CACNB4: variants seen among roughly 807,000 people sequenced by gnomAD.
CACNB4 encodes the protein calcium voltage-gated channel auxiliary subunit beta 4.
CACNB4 carries 32 observed loss-of-function variants against 71.2 expected under a neutral mutation model. The observed-to-expected ratio is 0.45, with a 90% confidence interval of 0.34 to 0.60. CACNB4 has a LOEUF of 0.60. Ranked by LOEUF, CACNB4 falls within the 20% of genes least tolerant of loss-of-function variation. The pLI, the probability that CACNB4 is intolerant of heterozygous loss-of-function variation, is 0.01. For missense variants in CACNB4, 464 were observed against 647.9 expected (o/e 0.72, Z 3.08); for synonymous variants, 231 against 236.9 (o/e 0.97, Z 0.23).
At chr2:151,924,004 A>G (rs1325907186) in intron 2 of CACNB4, among the ~76,000 whole-genome samples, 1 of 150,184 alleles carries the variant, frequency 6.7e-6, no homozygotes, top group Non-Finnish European at 1.5e-5. Context: ...ATGATACATT[A>G]TATACCTACA....
intron 2 of CACNB4, among the ~76,000 whole-genome samples, chr2:152,017,807 A>T (rs1321826356): frequency 6.6e-6 from 1 of 152,146 alleles, no homozygotes; most frequent in Non-Finnish European, 1.5e-5. Flanking sequence ...CCTTTGATCA[A>T]AGACTGTTTC....
intron 4 of CACNB4, 150 bp downstream of exon 4, chr2:151,880,650 G>C (rs2099847595): frequency 1.4e-6 from 1 of 731,986 alleles, no homozygotes; most frequent in African/African-American, 1.8e-5. Context: ...CAATCTTAAT[G>C]AGAATGACTA....
intron 2 of CACNB4, among the ~76,000 whole-genome samples, chr2:152,043,062 T>C (rs1474459071): frequency 6.6e-6 from 1 of 152,038 alleles, no homozygotes; most frequent in African/African-American, 2.4e-5. Flanking sequence ...CCCTGTATGG[T>C]CTAAAAAAAG....
intron 13 of CACNB4, among the ~76,000 whole-genome samples, chr2:151,840,087 G>C (rs2151315141): frequency 6.6e-6 from 1 of 152,310 alleles, no homozygotes; most frequent in East Asian, 1.9e-4. Flanking sequence ...TGAAGGCTCA[G>C]AAAATGTTAT....
At chr2:152,085,580 G>C (rs796995451) in intron 2 of CACNB4, among the ~76,000 whole-genome samples, 1 of 151,952 alleles carries the variant, frequency 6.6e-6, no homozygotes, top group African/African-American at 2.4e-5. Flanking sequence ...TGAGGGTCCC[G>C]GCTGGTCTCC....
rs533301024 is a variant in CACNB4 at position 151,870,793 on chromosome 2, G to T, written c.618+49C>A. On this transcript the variant is annotated intron_variant, in intron 7 of 13. Transcript: ENST00000539935. The stretch of plus-strand genomic sequence containing the variant: ...CACTGAAATGGAGCATTGCAGGCAT[G>T]TATATATAGGAACCTTAACAGTAGA... 3.4e-6 allele frequency: 5 copies of T among 1,480,060 alleles called. No homozygotes were observed. The South Asian group carries it at 4.7e-5, about 14-fold the overall frequency. The allele number at this position is 1,480,060 out of a possible 1,614,324, so 91.7% of individuals were successfully genotyped here.
chr2:151,913,391 T>A (rs2099856700), intron 2 of CACNB4, among the ~76,000 whole-genome samples: 2 of 152,218 alleles, frequency 1.3e-5, no homozygotes, highest in South Asian at 4.1e-4. Flanking sequence ...CATTTGCTTG[T>A]CTGAGAAGGA....
chr2:151,927,697 C>T (rs557852845), intron 2 of CACNB4, among the ~76,000 whole-genome samples: 41 of 152,340 alleles, frequency 2.7e-4, no homozygotes, highest in African/African-American at 9.9e-4. Flanking sequence ...GCGTGCTTCA[C>T]CCAAGTCTTA....
chr2:152,021,311 T>C (rs1683654730), intron 2 of CACNB4, among the ~76,000 whole-genome samples: 1 of 152,156 alleles, frequency 6.6e-6, no homozygotes, highest in Non-Finnish European at 1.5e-5. Flanking sequence ...TTCTCTACCT[T>C]ATATTTAAGC....
chr2:151,957,347 A>G (rs17270332), intron 2 of CACNB4, among the ~76,000 whole-genome samples: 71,219 of 148,738 alleles, frequency 0.48, 20,033 homozygotes, highest in Non-Finnish European at 0.64. Flanking sequence ...ATCATTTCTG[A>G]CCATTCCCTA....
chr2:152,017,336 C>T (rs574287497), intron 2 of CACNB4, among the ~76,000 whole-genome samples: 1 of 149,920 alleles, frequency 6.7e-6, no homozygotes, highest in African/African-American at 2.5e-5. Context: ...TATTCAAACT[C>T]AGCTAATGAG....
intron 2 of CACNB4, among the ~76,000 whole-genome samples, chr2:151,923,550 G>GT (rs1217427045): frequency 6.6e-6 from 1 of 152,220 alleles, no homozygotes; most frequent in Non-Finnish European, 1.5e-5. Flanking sequence ...GGAAGCCTGG[G>GT]TGGAGGCCCG....
At chr2:151,973,443 C>T (rs1217145237) in intron 2 of CACNB4, 7 of 564,312 alleles carry the variant, frequency 1.2e-5, no homozygotes, top group Non-Finnish European at 1.9e-5. Context: ...CTCTTGAATG[C>T]TTTGCCATCA....
chr2:151,926,862 C>T (rs539335244), intron 2 of CACNB4, among the ~76,000 whole-genome samples: 1 of 152,148 alleles, frequency 6.6e-6, no homozygotes, highest in African/African-American at 2.4e-5. Flanking sequence ...GAATCAGAAA[C>T]CTTGATTTAA....
At chr2:152,014,947 G>A (rs921548791) in intron 2 of CACNB4, among the ~76,000 whole-genome samples, 2 of 152,126 alleles carry the variant, frequency 1.3e-5, no homozygotes, top group Non-Finnish European at 2.9e-5. Context: ...ACAAATGGAA[G>A]GCAAGGCGCT....
chr2:151,945,459 G>C (rs560832828), intron 2 of CACNB4, among the ~76,000 whole-genome samples: 1 of 152,182 alleles, frequency 6.6e-6, no homozygotes, highest in South Asian at 2.1e-4. Flanking sequence ...TTGAGCCCGG[G>C]AGTTCAAGGT....
intron 2 of CACNB4, among the ~76,000 whole-genome samples, chr2:151,899,795 T>C (rs1240532545): frequency 1.3e-5 from 2 of 152,082 alleles, no homozygotes; most frequent in African/African-American, 4.8e-5. Context: ...CAAATGCTTG[T>C]TGAAAAATTA....
rs1039855781 is a variant in CACNB4, at chr2:151,833,246, T to A, written c.*5873A>T. 6.6e-6 allele frequency: 1 copy of A among 152,180 alleles called. No homozygotes were observed. The highest frequency in any genetic ancestry group is 1.5e-5 in the Non-Finnish European group (1 of 67,992). The allele number at this position is 152,180 out of a possible 1,614,324, so 9.4% of individuals were successfully genotyped here. A position where few individuals can be genotyped will look rare whatever the true frequency, so the allele number is the denominator to read the frequency against. On this transcript the variant is annotated 3_prime_UTR_variant, in exon 14 of 14. Transcript: ENST00000539935. ...ATTTCTGTTTTAGTATGTTTTATGTTAATACATTTATTTTTTATTCCTTCC... is the reference window on the plus strand; with the variant it reads ...ATTTCTGTTTTAGTATGTTTTATGTAAATACATTTATTTTTTATTCCTTCC...
At chr2:151,860,678 A>T in intron 10 of CACNB4, 33 bp downstream of exon 10, 1 of 1,404,366 alleles carries the variant, frequency 7.1e-7, no homozygotes, top group Non-Finnish European at 1.0e-6. Context: ...CTGTAAGCAC[A>T]GCTTGAAGAA....
Sources: gnomAD v4.1 joint callset for allele counts (sites outside exome capture counted in the v4.1 genomes callset) on GRCh38, gnomAD v4.1.1 for gene constraint, MANE v1.5 for transcripts, NCBI Gene and HGNC (gene_info 2026-07-23, HGNC 2026-07-21) for gene names.